The following WHRN variants were observed in gnomAD, a reference collection of about 807,000 sequenced individuals.
WHRN encodes CASK-interacting protein CIP98.
In WHRN, 41 loss-of-function variants were observed where a neutral mutation model predicts 68.3. The ratio of observed to expected loss-of-function variants is 0.60; its 90% CI spans 0.47 to 0.78. WHRN has a LOEUF of 0.78. WHRN is among the 30% of genes least tolerant of loss of function. The pLI, the probability that WHRN is intolerant of heterozygous loss-of-function variation, is 0.00. For missense variants in WHRN, 1,243 were observed against 1,244.7 expected (o/e 1.00, Z 0.02); for synonymous variants, 560 against 561.3 (o/e 1.00, Z 0.03).
At chr9:114,415,851 A>G (rs182663852) in intron 7 of WHRN, among the ~76,000 whole-genome samples, 1 of 152,272 alleles carries the variant, frequency 6.6e-6, no homozygotes, top group Admixed American at 6.5e-5. Context: ...GTTGGACCAA[A>G]GTCAGGATGC....
intron 1 of WHRN, among the ~76,000 whole-genome samples, chr9:114,483,080 C>T (rs1468971494): frequency 5.3e-5 from 8 of 152,314 alleles, no homozygotes; most frequent in East Asian, 1.9e-4. Context: ...GCCACTCAAG[C>T]GTAGACCATT....
intron 3 of WHRN, among the ~76,000 whole-genome samples, chr9:114,432,980 C>A (rs866584002): frequency 2.0e-5 from 3 of 152,208 alleles, no homozygotes; most frequent in Non-Finnish European, 2.9e-5. Flanking sequence ...CACTGACCTA[C>A]ACACATTGAC....
At chr9:114,473,426 T>C (rs1841406692) in intron 2 of WHRN, among the ~76,000 whole-genome samples, 1 of 152,150 alleles carries the variant, frequency 6.6e-6, no homozygotes, top group Non-Finnish European at 1.5e-5. Flanking sequence ...GGACCAGGCA[T>C]AAGCCTGAGA....
At chr9:114,403,065 G>A in intron 11 of WHRN, 129 bp from the exon 12 acceptor site, 2 of 1,530,522 alleles carry the variant, frequency 1.3e-6, no homozygotes, top group East Asian at 4.6e-5. Flanking sequence ...CTCGGATTAG[G>A]AAAGCTGAGG....
intron 1 of WHRN, among the ~76,000 whole-genome samples, chr9:114,490,345 G>C (rs921471195): frequency 6.6e-6 from 1 of 152,240 alleles, no homozygotes; most frequent in Non-Finnish European, 1.5e-5. Flanking sequence ...GGAGATGGCA[G>C]AGAAATGTAT....
intron 3 of WHRN, among the ~76,000 whole-genome samples, chr9:114,431,210 C>T (rs1236443208): frequency 6.6e-6 from 1 of 152,154 alleles, no homozygotes; most frequent in Non-Finnish European, 1.5e-5. Flanking sequence ...CCGCACAGCT[C>T]TCAAGTACAA....
intron 1 of WHRN, among the ~76,000 whole-genome samples, chr9:114,487,116 G>A (rs1387682270): frequency 4.1e-5 from 6 of 147,558 alleles, no homozygotes; most frequent in Non-Finnish European, 8.9e-5. Context: ...GGGTAGTTCT[G>A]ATTATTAAAT....
chr9:114,469,666 G>A (rs556198521), intron 2 of WHRN, among the ~76,000 whole-genome samples: 7 of 152,214 alleles, frequency 4.6e-5, no homozygotes, highest in South Asian at 2.1e-4. Context: ...GAGAAGGCAC[G>A]GCAGCCCTGC....
chr9:114,408,048 A>C lies in WHRN; in HGVS notation c.1627-30T>G. 1.9e-6 allele frequency: 3 copies of C among 1,562,054 alleles called. No homozygotes were observed. In the African/African-American group the frequency reaches 4.1e-5, roughly 21 times the overall value. ...AAATGGACGAGAAAGCAAAGTGAGC[A>C]AACAGAAGCTGAGAAGGGAACACTG... On this transcript the variant is annotated intron_variant, in intron 7 of 11. Coordinates refer to ENST00000362057, the MANE Select transcript of WHRN (RefSeq NM_015404.4).
chr9:114,486,885 A>AGTGT (rs142516414), intron 1 of WHRN, among the ~76,000 whole-genome samples: 3,015 of 73,618 alleles, frequency 0.041, 112 homozygotes, highest in East Asian at 0.16. Context: ...TGATTAAATT[A>AGTGT]GTGTGTGTGT....
chr9:114,505,034 G>T lies in WHRN; in HGVS notation c.-233C>A. ...CGCGAACCTGGAATCCGGGGGACGC[G>T]GAGACGTCGGCGGGTTCCTGAGAGA... On this transcript the variant is annotated 5_prime_UTR_variant, in exon 1 of 12. Transcript: ENST00000362057. The T allele has an allele frequency of 1.9e-6, 1 of 524,468 alleles. No homozygotes were observed. The highest frequency in any genetic ancestry group is 3.0e-6 in the Non-Finnish European group (1 of 333,916). The allele number at this position is 524,468 out of a possible 1,614,324, so 32.5% of individuals were successfully genotyped here.
rs139337254 is a variant in WHRN, at chr9:114,466,351, C to T, written c.879G>A (p.Thr293=). The T allele has an allele frequency of 2.1e-5, 34 of 1,614,144 alleles. No individual in the cohort carries two copies. In the African/African-American group the frequency reaches 2.9e-4, roughly 14 times the overall value. The change falls in exon 3 of 12, where the codon ACG becomes ACA. Residue 293 remains threonine, a synonymous_variant. Transcript: ENST00000362057. ...GGCCGTACTCAGCTCCCCCACGGAT[C>T]GTGAGGCCCAGGGACCGGCCGTCCC... ...VLGDGRSLGL[T]IRGGAEYGLG... is the part of the protein sequence containing the mutation.
rs1358864941 is a variant in WHRN at position 114,426,380 on chromosome 9, T to A, written c.997A>T (p.Ser333Cys). 6.2e-7 allele frequency: 1 copy of A among 1,613,554 alleles called. No individual in the cohort carries two copies. Among genetic ancestry groups the A allele is most frequent in the East Asian group, 2.2e-5 (1 of 44,858 alleles). The change falls in exon 4 of 12, where the codon AGC becomes TGC. Residue 333 changes from serine to cysteine, a missense_variant. Transcript: ENST00000362057. ...TCGTCGTGTAGGATGTTGAGAAAGC[T>A]CCGCCCATTCACTTCTAGAATCTGG... The part of the protein sequence containing the change: ...GDQILEVNGR[S>C]FLNILHDEAV...
intron 3 of WHRN, among the ~76,000 whole-genome samples, chr9:114,442,654 T>C (rs746774171): frequency 2.6e-5 from 4 of 151,968 alleles, no homozygotes; most frequent in Non-Finnish European, 5.9e-5. Context: ...TACCAGGAGA[T>C]CTAGTTGTCA....
intron 2 of WHRN, among the ~76,000 whole-genome samples, chr9:114,477,346 C>T (rs1215233691): frequency 6.6e-6 from 1 of 152,182 alleles, no homozygotes; most frequent in East Asian, 1.9e-4. Flanking sequence ...GAGCTGCCTG[C>T]AGGAGCTATG....
intron 3 of WHRN, among the ~76,000 whole-genome samples, chr9:114,430,246 A>G (rs1477296789): frequency 6.6e-6 from 1 of 152,206 alleles, no homozygotes; most frequent in Non-Finnish European, 1.5e-5. Flanking sequence ...GTGGCCTTCT[A>G]TGAGGCTGGG....
Position 114,423,397 on chromosome 9 carries a change from C to A in WHRN, c.1543G>T (p.Asp515Tyr). 6.2e-7 allele frequency: 1 copy of A among 1,614,034 alleles called. No homozygotes were observed. The highest frequency in any genetic ancestry group is 8.5e-7 in the Non-Finnish European group (1 of 1,179,982). Reference protein sequence around the residue: ...ARQPPGPGAGDTYSMVSYSDT... With the variant: ...ARQPPGPGAGYTYSMVSYSDT... ...CTGTAGGAGACCATGGAGTAGGTGT[C>A]CCCAGCCCCGGGGCCTGGGGGCTGC... Residue 515 changes from aspartate to tyrosine, a missense_variant, in exon 7 of 12, where the codon GAC becomes TAC. Transcript: ENST00000362057.
rs539521863 is a variant in WHRN at position 114,495,910 on chromosome 9, C to T, written c.618+8274G>A. 2.6e-5 allele frequency among the ~76,000 whole-genome samples: 4 copies of T among 152,334 alleles called. No individual in the cohort carries two copies. The East Asian group carries it at 7.7e-4, about 29-fold the overall frequency. ...TGGACATGGCAGAAGGAAAATCCCT[C>T]CCCTGACTTTCAAAGTTTTCCTATC... On this transcript the variant is annotated intron_variant, in intron 1 of 11. Coordinates refer to ENST00000362057, the MANE Select transcript of WHRN (RefSeq NM_015404.4).
intron 3 of WHRN, among the ~76,000 whole-genome samples, chr9:114,451,710 C>A (rs1474407244): frequency 6.6e-6 from 1 of 152,178 alleles, no homozygotes; most frequent in Non-Finnish European, 1.5e-5. Context: ...AAAGAGAGGA[C>A]CCATCTAAGT....
Sources: allele counts gnomAD v4.1 joint callset (sites outside exome capture counted in the v4.1 genomes callset), GRCh38; gene constraint gnomAD v4.1.1; transcripts MANE v1.5; gene names NCBI Gene and HGNC (gene_info 2026-07-23, HGNC 2026-07-21).